The following RFC2 variants were observed in gnomAD, a reference collection of about 807,000 sequenced individuals.
RFC2 encodes the protein replication factor C subunit 2.
RFC2 carries 34 observed loss-of-function variants against 44.8 expected under a neutral mutation model. The ratio of observed to expected loss-of-function variants is 0.76; its 90% CI spans 0.58 to 1.01. The LOEUF is 1.01. Ranked by LOEUF, RFC2 falls within the 50% of genes least tolerant of loss-of-function variation. The pLI, the probability that RFC2 is intolerant of heterozygous loss-of-function variation, is 0.00. For synonymous variants in RFC2, 177 were observed against 168.9 expected (o/e 1.05, Z -0.37); for missense variants, 400 against 453.6 (o/e 0.88, Z 1.07).
At chr7:74,240,431 G>A (rs1222477345) in intron 6 of RFC2, among the ~76,000 whole-genome samples, 1 of 150,106 alleles carries the variant, frequency 6.7e-6, no homozygotes, top group Non-Finnish European at 1.5e-5. Context: ...GAGCACGAGA[G>A]TTGGAGGCTG....
chr7:74,243,816 CA>C (rs1563993715), intron 5 of RFC2, among the ~76,000 whole-genome samples: 1 of 148,972 alleles, frequency 6.7e-6, no homozygotes, highest in Non-Finnish European at 1.5e-5. Flanking sequence ...TTAAAAAATA[CA>C]AAAAAGCCTG....
At chr7:74,253,054 T>C (rs963244302) in intron 1 of RFC2, among the ~76,000 whole-genome samples, 24 of 152,226 alleles carry the variant, frequency 1.6e-4, no homozygotes, top group African/African-American at 5.8e-4. Flanking sequence ...AAACACCTGT[T>C]GCTGCTGGAG....
chr7:74,250,003 A>T (rs1786822651), intron 2 of RFC2, among the ~76,000 whole-genome samples: 1 of 151,514 alleles, frequency 6.6e-6, no homozygotes, highest in Non-Finnish European at 1.5e-5. Flanking sequence ...AATAAACAAA[A>T]TTAGCCAGGT....
At chr7:74,249,244 C>G (rs1347314140) in intron 3 of RFC2, 126 bp from the exon 4 acceptor site, 1 of 1,527,564 alleles carries the variant, frequency 6.5e-7, no homozygotes. Flanking sequence ...ACAGCACACA[C>G]AGATCAATAC....
rs1488197153 is a variant in RFC2, at chr7:74,238,676, G to C, written c.759+247C>G. Among the ~76,000 whole-genome samples the C allele has an allele frequency of 1.3e-5, 2 of 152,130 alleles. No individual in the cohort carries two copies. Among genetic ancestry groups the C allele is most frequent in the Admixed American group, 6.6e-5 (1 of 15,258 alleles). On this transcript the variant is annotated intron_variant, in intron 8 of 10. Transcript: ENST00000055077. The surrounding 1 kb of genome is among the most constrained non-coding windows in gnomAD (Gnocchi z 4.0). ...CACGTCAGAAATTGCTCGACCCTGGGTCTGATGCATCCGTGGTCCTCCCTC... is the reference window on the plus strand; with the variant it reads ...CACGTCAGAAATTGCTCGACCCTGGCTCTGATGCATCCGTGGTCCTCCCTC...
At chr7:74,240,488 C>T (rs960002425) in intron 6 of RFC2, among the ~76,000 whole-genome samples, 17 of 131,860 alleles carry the variant, frequency 1.3e-4, no homozygotes, top group African/African-American at 4.8e-4. Flanking sequence ...GACAACAGAG[C>T]GAGGCTGTGT....
intron 3 of RFC2, 37 bp downstream of exon 3, chr7:74,249,702 A>T (rs899459889): frequency 1.9e-6 from 3 of 1,570,388 alleles, no homozygotes; most frequent in Non-Finnish European, 1.8e-6. Flanking sequence ...GGGATGAGAC[A>T]TGGAGACACT....
At position 74,238,831 on chromosome 7, in the gene RFC2, G is replaced by A. The variant is rs1315696262; in HGVS notation, c.759+92C>T. The A allele has an allele frequency of 8.0e-6, 8 of 1,001,592 alleles. No individual in the cohort carries two copies. The highest frequency in any genetic ancestry group is 2.4e-5 in the East Asian group (1 of 41,348). 62.0% of individuals were successfully genotyped at this position (1,001,592 alleles called of 1,614,324 possible). The stretch of plus-strand genomic sequence containing the variant: ...CACCCACAAGAGCAGCTAGATGTCC[G>A]TCCCCACTGCCAGCCCAGCCCTTCA... On this transcript the variant is annotated intron_variant, in intron 8 of 10. Transcript: ENST00000055077. This position sits in a 1 kb window ranked among gnomAD's most constrained non-coding sequence, Gnocchi z 4.0.
intron 2 of RFC2, among the ~76,000 whole-genome samples, chr7:74,250,918 A>G (rs1350621045): frequency 2.6e-5 from 4 of 152,018 alleles, no homozygotes; most frequent in Admixed American, 6.6e-5. Context: ...CCTCCTGAGT[A>G]GCTGGGATTA....
At position 74,254,306 on chromosome 7, in the gene RFC2, C is replaced by G; in HGVS notation, c.78G>C (p.Lys26Asn). 1 of 1,612,848 alleles carries G rather than the reference C, an allele frequency of 6.2e-7. No homozygotes were observed. Among genetic ancestry groups the G allele is most frequent in the Non-Finnish European group, 8.5e-7 (1 of 1,179,696 alleles). The change falls in exon 1 of 11, where the codon AAG becomes AAC. Residue 26 changes from lysine to asparagine, a missense_variant. Transcript: ENST00000055077. ...QDSDPAPAFSKAPGSAGHYEL... is the reference protein window; with the variant it reads ...QDSDPAPAFSNAPGSAGHYEL... ...CGTAGTGGCCGGCGCTGCCGGGGGCCTTGCTGAAGGCAGGGGCAGGGTCAG... is the reference window on the plus strand; with the variant it reads ...CGTAGTGGCCGGCGCTGCCGGGGGCGTTGCTGAAGGCAGGGGCAGGGTCAG...
chr7:74,234,226 A>G (rs1366413121), intron 10 of RFC2, among the ~76,000 whole-genome samples: 2 of 152,316 alleles, frequency 1.3e-5, no homozygotes, highest in East Asian at 3.9e-4. Context: ...TAAGTTCTAC[A>G]TGATCCCATT....
intron 4 of RFC2, among the ~76,000 whole-genome samples, chr7:74,248,663 A>G (rs189650839): frequency 6.6e-6 from 1 of 151,970 alleles, no homozygotes; most frequent in East Asian, 1.9e-4. Context: ...CACCACGCCC[A>G]GCTAAGTTTT....
At chr7:74,236,634 A>G (rs1803030002) in intron 9 of RFC2, among the ~76,000 whole-genome samples, 1 of 152,154 alleles carries the variant, frequency 6.6e-6, no homozygotes, top group Admixed American at 6.5e-5. Flanking sequence ...GCCTGTGCCT[A>G]TGAGAATGGA....
At position 74,249,564 on chromosome 7, in the gene RFC2, T is replaced by G. The variant is rs577379924; in HGVS notation, c.225+175A>C. Among the ~76,000 whole-genome samples, 8 of 149,854 alleles carry G rather than the reference T, an allele frequency of 5.3e-5. No homozygotes were observed. In the South Asian group the frequency reaches 1.7e-3, roughly 32 times the overall value. On this transcript the variant is annotated intron_variant, in intron 3 of 10. Coordinates refer to ENST00000055077, the MANE Select transcript of RFC2 (RefSeq NM_181471.3). ...TCAGAAAAAAAAATAAATAAATAAA[T>G]AAAAAAAAATACAGCAACCAACCCC...
At chr7:74,233,284 G>A (rs969074240) in intron 10 of RFC2, among the ~76,000 whole-genome samples, 8 of 152,018 alleles carry the variant, frequency 5.3e-5, no homozygotes, top group East Asian at 1.9e-4. Flanking sequence ...AGGCCGAGGC[G>A]GGAGGATCAC....
chr7:74,244,096 CAAAAAAAAAAA>C (rs1179272254), intron 5 of RFC2, among the ~76,000 whole-genome samples: 2 of 41,634 alleles, frequency 4.8e-5, no homozygotes. Flanking sequence ...ACTAAAAATA[CAAAAAAAAAAA>C]AAAAAAAAAA....
At chr7:74,233,720 C>A (rs1346885453) in intron 10 of RFC2, 7 of 429,220 alleles carry the variant, frequency 1.6e-5, no homozygotes, top group Non-Finnish European at 3.4e-5. Flanking sequence ...CCTCCCTCAG[C>A]CGCCCGAGTA....
chr7:74,249,949 T>A, intron 2 of RFC2, 169 bp from the exon 3 acceptor site: 1 of 662,394 alleles, frequency 1.5e-6, no homozygotes, highest in Non-Finnish European at 2.8e-6. Context: ...ACTTGAGGCC[T>A]GAGGCCAGCC....
At chr7:74,242,202 C>A (rs1032426008) in intron 6 of RFC2, among the ~76,000 whole-genome samples, 8 of 152,152 alleles carry the variant, frequency 5.3e-5, no homozygotes, top group African/African-American at 1.9e-4. Context: ...ATGAATAGCA[C>A]AAGAAGGTAT....
Sources: gnomAD v4.1 joint callset for allele counts (sites outside exome capture counted in the v4.1 genomes callset) on GRCh38, gnomAD v4.1.1 for gene constraint, Gnocchi (gnomAD v3.1) non-coding constraint, MANE v1.5 for transcripts, NCBI Gene and HGNC (gene_info 2026-07-23, HGNC 2026-07-21) for gene names.